PHF14: variants seen among roughly 807,000 people sequenced by gnomAD.
The protein encoded by PHF14 is PHD finger protein 14.
In PHF14, 55 loss-of-function variants were observed where a neutral mutation model predicts 117.9. That is an observed-to-expected ratio of 0.47 (90% CI 0.38 to 0.58). The LOEUF is 0.58. Among genes scored for constraint, PHF14 ranks in the 20% least tolerant of loss-of-function variants. The probability of loss-of-function intolerance (pLI) is 0.00; values close to 1 mark genes in which losing one functional copy is unlikely to be tolerated. For missense variants in PHF14, 978 were observed against 1,122.2 expected, an observed-to-expected ratio of 0.87 and a Z score of 1.84; for synonymous variants, 409 against 368.6, an observed-to-expected ratio of 1.11 and a Z score of -1.26.
At chr7:10,993,079 G>A (rs1010156134) in intron 4 of PHF14, among the ~76,000 whole-genome samples, 1 of 152,124 alleles carries the variant, frequency 6.6e-6, no homozygotes, top group South Asian at 2.1e-4. Context: ...AGTTACTGGT[G>A]ATATTACTAT....
intron 14 of PHF14, among the ~76,000 whole-genome samples, chr7:11,053,165 G>A (rs533879522): frequency 1.3e-5 from 2 of 152,056 alleles, no homozygotes; most frequent in East Asian, 3.9e-4. Context: ...TTTCCTTAAA[G>A]TAACAGTTTT....
chr7:10,981,647 A>G (rs1011145302), intron 2 of PHF14, among the ~76,000 whole-genome samples: 1 of 152,220 alleles, frequency 6.6e-6, no homozygotes, highest in South Asian at 2.1e-4. Flanking sequence ...ATTCTAGAGC[A>G]TATAGTAGTT....
intron 13 of PHF14, among the ~76,000 whole-genome samples, chr7:11,043,901 A>G (rs1427362105): frequency 1.3e-5 from 2 of 152,100 alleles, no homozygotes; most frequent in African/African-American, 2.4e-5. Flanking sequence ...AGAGTTATGC[A>G]GTTCTCTCCT....
chr7:11,026,503 G>A (rs1783915856), intron 6 of PHF14, among the ~76,000 whole-genome samples: 1 of 151,580 alleles, frequency 6.6e-6, no homozygotes, highest in African/African-American at 2.4e-5. Context: ...AGCATTAACA[G>A]ATGTATTTAT....
At chr7:11,048,773 A>G (rs925026381) in intron 13 of PHF14, among the ~76,000 whole-genome samples, 2 of 152,132 alleles carry the variant, frequency 1.3e-5, no homozygotes, top group Non-Finnish European at 2.9e-5. Context: ...TGTCCATAAT[A>G]CTCTTGTAGT....
intron 16 of PHF14, among the ~76,000 whole-genome samples, chr7:11,065,195 AT>A (rs985472610): frequency 1.3e-5 from 2 of 152,058 alleles, no homozygotes; most frequent in African/African-American, 4.8e-5. Context: ...TACTTTTAAA[AT>A]TTAATTAGAA....
At chr7:11,138,751 A>G (rs945629419) in intron 17 of PHF14, among the ~76,000 whole-genome samples, 1 of 152,212 alleles carries the variant, frequency 6.6e-6, no homozygotes, top group African/African-American at 2.4e-5. Context: ...AGGAGTGGGA[A>G]TAATGTATTT....
chr7:11,072,915 T>C (rs1013688481), intron 16 of PHF14, among the ~76,000 whole-genome samples: 1 of 152,140 alleles, frequency 6.6e-6, no homozygotes, highest in Non-Finnish European at 1.5e-5. Flanking sequence ...CCATCTTTCA[T>C]GTGAACTAAC....
Position 11,006,922 on chromosome 7 carries a change from C to G in PHF14, c.1046-6825C>G, listed in dbSNP as rs557078894. 1.4e-4 allele frequency: 65 copies of G among 467,946 alleles called. No individual in the cohort carries two copies. In the East Asian group the frequency reaches 2.9e-3, roughly 21 times the overall value. The allele number at this position is 467,946 out of a possible 1,614,324, so 29.0% of individuals were successfully genotyped here. A position where few individuals can be genotyped will look rare whatever the true frequency, so the allele number is the denominator to read the frequency against. On this transcript the variant is annotated intron_variant, in intron 4 of 17. Coordinates refer to ENST00000634607, the MANE Select transcript of PHF14 (RefSeq NM_001007157.2). ...TGGCGCGGTGGCTCACACCTTTAAT[C>G]CCAGCATGTTGGGAGGCTGAGGCAT...
At chr7:11,049,957 T>G (rs1298671544) in intron 13 of PHF14, among the ~76,000 whole-genome samples, 1 of 152,198 alleles carries the variant, frequency 6.6e-6, no homozygotes, top group Non-Finnish European at 1.5e-5. Context: ...ATGTACATTT[T>G]TGTTTTGCTT....
intron 17 of PHF14, among the ~76,000 whole-genome samples, chr7:11,146,708 A>G (rs1416613652): frequency 6.6e-6 from 1 of 152,198 alleles, no homozygotes; most frequent in Non-Finnish European, 1.5e-5. Context: ...TCATACATAC[A>G]TTCAGCTCCG....
At chr7:10,977,554 A>G (rs1781909678) in intron 2 of PHF14, among the ~76,000 whole-genome samples, 1 of 152,164 alleles carries the variant, frequency 6.6e-6, no homozygotes, top group Non-Finnish European at 1.5e-5. Flanking sequence ...TGACCCACCC[A>G]TAAGATTGGC....
rs185334126 is a variant in PHF14, at chr7:11,116,134, A to G, written c.2772+4667A>G. 7.2e-5 allele frequency among the ~76,000 whole-genome samples: 11 copies of G among 152,122 alleles called. No individual in the cohort carries two copies. In the East Asian group the frequency reaches 2.1e-3, roughly 29 times the overall value. On this transcript the variant is annotated intron_variant, in intron 17 of 17. Transcript: ENST00000634607. ...AATGTTATTATTTATTGTTATTTTC[A>G]AATTACTACAAATTCAGCTAATGAA...
chr7:11,104,599 C>G, intron 16 of PHF14: 1 of 983,566 alleles, frequency 1.0e-6, no homozygotes, highest in Non-Finnish European at 1.2e-6. Context: ...ATGAAAATAT[C>G]AGGAAGGAGA....
rs1348237609 is a variant in PHF14 at position 10,982,928 on chromosome 7, G to T, written c.669G>T (p.Gly223=). The T allele has an allele frequency of 6.2e-7, 1 of 1,610,190 alleles. No individual in the cohort carries two copies. The highest frequency in any genetic ancestry group is 1.7e-5 in the Admixed American group (1 of 59,190). ...GACCTACTGTAGTAAAGAGAAAAGG[G>T]AGATCTGCGTCTCAGAAAGAGGGAA... is the stretch of plus-strand genomic sequence containing the variant. The part of the protein sequence containing the change: ...DWRPTVVKRK[G]RSASQKEGSD... Residue 223 remains glycine (G), a synonymous_variant, in exon 3 of 18, where the codon GGG becomes GGT. Coordinates refer to ENST00000634607, the MANE Select transcript of PHF14 (RefSeq NM_001007157.2).
At chr7:11,026,850 A>G (rs1408266450) in intron 6 of PHF14, among the ~76,000 whole-genome samples, 1 of 152,104 alleles carries the variant, frequency 6.6e-6, no homozygotes. Context: ...GCTTTAAGAA[A>G]ACATCACTGG....
intron 7 of PHF14, among the ~76,000 whole-genome samples, chr7:11,033,266 A>G (rs971637918): frequency 1.3e-5 from 2 of 152,238 alleles, no homozygotes; most frequent in Non-Finnish European, 2.9e-5. Flanking sequence ...TCACTCTAAT[A>G]TACAATTCCA....
intron 17 of PHF14, among the ~76,000 whole-genome samples, chr7:11,121,023 C>A (rs1175445752): frequency 6.6e-6 from 1 of 151,976 alleles, no homozygotes; most frequent in Admixed American, 6.6e-5. Flanking sequence ...CAAAGTAAAT[C>A]CAGTAAAATG....
chr7:11,077,366 G>T (rs1583442380), intron 16 of PHF14, among the ~76,000 whole-genome samples: 1 of 151,636 alleles, frequency 6.6e-6, no homozygotes, highest in South Asian at 2.1e-4. Context: ...ACTTTGGGAG[G>T]CTGAGGTGGG....
Sources: allele counts gnomAD v4.1 joint callset (sites outside exome capture counted in the v4.1 genomes callset), GRCh38; gene constraint gnomAD v4.1.1; transcripts MANE v1.5; gene names NCBI Gene and HGNC (gene_info 2026-07-23, HGNC 2026-07-21).